ANKRD34B: variants seen among roughly 807,000 people sequenced by gnomAD.
ANKRD34B encodes the protein ankyrin repeat domain 34B.
Under a neutral mutation model 4.4 loss-of-function variants are expected in ANKRD34B, and 2 were observed. The ratio of observed to expected loss-of-function variants is 0.46; its 90% CI spans 0.19 to 1.44. The LOEUF is 1.44. Among genes scored for constraint, ANKRD34B ranks in the 40% most tolerant of loss-of-function variants. The pLI is 0.26. For synonymous variants in ANKRD34B, 226 were observed against 227.1 expected, an observed-to-expected ratio of 0.99 and a Z score of 0.05; for missense variants, 558 against 604.7, an observed-to-expected ratio of 0.92 and a Z score of 0.81.
In ANKRD34B at chr5:80,559,855, A is replaced by C. The variant is rs144658829; in HGVS notation, c.165T>G (p.His55Gln). The change falls in exon 5 of 5, where the codon CAT becomes CAG. Residue 55 changes from histidine (H) to glutamine (Q), a missense_variant. By Grantham distance (24) the His-to-Gln change is conservative. Coordinates refer to ENST00000338682, the MANE Select transcript of ANKRD34B (RefSeq NM_001004441.3). ...TPLMIACKTK[H>Q]VDHQSVSKAK... ...CTTTACTGACACTCTGGTGATCGAC[A>C]TGTTTGGTCTTACAAGCGATCATTA... 2.5e-6 allele frequency: 4 copies of C among 1,614,086 alleles called. No individual in the cohort carries two copies. In the African/African-American group the frequency reaches 5.3e-5, roughly 22 times the overall value.
Position 80,569,096 on chromosome 5 carries a change from G to T in ANKRD34B, c.-327C>A, listed in dbSNP as rs1041914535. 14 of 152,302 alleles carry T rather than the reference G, an allele frequency of 9.2e-5. No individual in the cohort carries two copies. Among genetic ancestry groups the T allele is most frequent in the African/African-American group, 3.4e-4 (14 of 41,452 alleles). 9.4% of individuals were successfully genotyped at this position (152,302 alleles called of 1,614,324 possible). A position where few individuals can be genotyped will look rare whatever the true frequency, so the allele number is the denominator to read the frequency against. On this transcript the variant is annotated 5_prime_UTR_variant, in exon 2 of 5. Coordinates refer to ENST00000338682, the MANE Select transcript of ANKRD34B (RefSeq NM_001004441.3). ...GTTTTTCCTGAGAGCAGGAGGAAGC[G>T]AGCTCAAGGCGCTGTCGGAGAAGGG... is the stretch of plus-strand genomic sequence containing the variant.
At position 80,558,848 on chromosome 5, in the gene ANKRD34B, A is replaced by G. The variant is rs147745221; in HGVS notation, c.1172T>C (p.Ile391Thr). The G allele has an allele frequency of 2.5e-4, 400 of 1,613,900 alleles. No homozygotes were observed. In the African/African-American group the frequency reaches 4.2e-3, roughly 17 times the overall value. ...TGGTGAGAGGATCTTTTTCTTTCCT[A>G]TAAGTGCTTTGCCGTCTTCTGAAGT... ...PPTSEDGKAL[I>T]GKKKILSPSP... The change falls in exon 5 of 5, where the codon ATA becomes ACA. Residue 391 changes from isoleucine (I) to threonine (T), a missense_variant. Transcript: ENST00000338682.
chr5:80,559,846 G>A lies in ANKRD34B; in HGVS notation c.174C>T (p.His58=). ...MIACKTKHVD[H]QSVSKAKMVK... ...CCATTTTGGCTTTACTGACACTCTG[G>A]TGATCGACATGTTTGGTCTTACAAG... Residue 58 remains histidine, a synonymous_variant, in exon 5 of 5, where the codon CAC becomes CAT. Transcript: ENST00000338682. 1 of 1,614,208 alleles carries A rather than the reference G, an allele frequency of 6.2e-7. No homozygotes were observed. The highest frequency in any genetic ancestry group is 8.5e-7 in the Non-Finnish European group (1 of 1,180,044).
In ANKRD34B at chr5:80,559,873, G is replaced by T. The variant is rs151244325; in HGVS notation, c.147C>A (p.Ile49=). ...SNDRGETPLM[I]ACKTKHVDHQ... ...GATCGACATGTTTGGTCTTACAAGC[G>T]ATCATTAAAGGGGTTTCCCCACGGT... Residue 49 remains isoleucine (I), a synonymous_variant, in exon 5 of 5, where the codon ATC becomes ATA. Transcript: ENST00000338682. 2.5e-6 allele frequency: 4 copies of T among 1,614,086 alleles called. No individual in the cohort carries two copies. The highest frequency in any genetic ancestry group is 2.2e-5 in the East Asian group (1 of 44,896).
At chr5:80,567,546 G>A (rs1424169214) in intron 2 of ANKRD34B, among the ~76,000 whole-genome samples, 12 of 146,670 alleles carry the variant, frequency 8.2e-5, no homozygotes, top group Non-Finnish European at 1.6e-4. Context: ...ACTTGAACTC[G>A]GGAGGCGGAG....
At chr5:80,567,080 G>A (rs974190983) in intron 2 of ANKRD34B, among the ~76,000 whole-genome samples, 1 of 152,192 alleles carries the variant, frequency 6.6e-6, no homozygotes, top group Non-Finnish European at 1.5e-5. Flanking sequence ...CTCTCCCAAA[G>A]CCAATCATCT....
chr5:80,559,153 C>A lies in ANKRD34B; in HGVS notation c.867G>T (p.Arg289=). ...YKTNGLALSK[R]FITRHQSIDV... ...CAATGCTTTGGTGCCTAGTGATGAA[C>A]CGCTTGGAAAGTGCCAGCCCATTGG... The change falls in exon 5 of 5, where the codon CGG becomes CGT. Residue 289 remains arginine, a synonymous_variant. Transcript: ENST00000338682. 1 of 1,614,192 alleles carries A rather than the reference C, an allele frequency of 6.2e-7. No individual in the cohort carries two copies. The highest frequency in any genetic ancestry group is 8.5e-7 in the Non-Finnish European group (1 of 1,180,042).
chr5:80,560,093 C>A, intron 4 of ANKRD34B, 51 bp from the exon 5 acceptor site: 3 of 1,052,288 alleles, frequency 2.9e-6, no homozygotes, highest in East Asian at 2.5e-5. Flanking sequence ...ATCAGCATCC[C>A]AACTTATATT....
chr5:80,561,199 A>G (rs886121942), intron 4 of ANKRD34B, among the ~76,000 whole-genome samples: 1 of 152,174 alleles, frequency 6.6e-6, no homozygotes, highest in Non-Finnish European at 1.5e-5. Flanking sequence ...TCAACAGATA[A>G]TTCCATTAGG....
rs117823929 is a variant in ANKRD34B at position 80,566,421 on chromosome 5, T to C, written c.-105+268A>G. On this transcript the variant is annotated intron_variant, in intron 3 of 4. Transcript: ENST00000338682. ...CTTTCCTAGGCAAGAAAATGAAGATTTATTTTCTAAATTGATCAGAAAGGC... is the reference window on the plus strand; with the variant it reads ...CTTTCCTAGGCAAGAAAATGAAGATCTATTTTCTAAATTGATCAGAAAGGC... Among the ~76,000 whole-genome samples the C allele has an allele frequency of 2.0e-5, 3 of 152,290 alleles. No individual in the cohort carries two copies. In the East Asian group the frequency reaches 5.8e-4, roughly 29 times the overall value.
rs964530457 is a variant in ANKRD34B at position 80,558,004 on chromosome 5, T to TA, written c.*470dup. ...TCTTTCTTTGTAGCTCGAGTTTTTT[T>TA]ATCTTAGAACATTTTACAGCTGTCG... On this transcript the variant is annotated 3_prime_UTR_variant, in exon 5 of 5. Transcript: ENST00000338682. 1 of 152,398 alleles carries TA rather than the reference T, an allele frequency of 6.6e-6. No homozygotes were observed. Among genetic ancestry groups the TA allele is most frequent in the East Asian group, 1.9e-4 (1 of 5,208 alleles). 9.4% of individuals were successfully genotyped at this position (152,398 alleles called of 1,614,324 possible). A position where few individuals can be genotyped will look rare whatever the true frequency, so the allele number is the denominator to read the frequency against.
intron 3 of ANKRD34B, among the ~76,000 whole-genome samples, chr5:80,564,827 TC>T (rs1173306220): frequency 6.7e-6 from 1 of 150,314 alleles, no homozygotes; most frequent in Non-Finnish European, 1.5e-5. Context: ...TGCCTCAGCC[TC>T]TGGAGTAGCT....
At chr5:80,566,280 T>C (rs1465263940) in intron 3 of ANKRD34B, among the ~76,000 whole-genome samples, 1 of 152,106 alleles carries the variant, frequency 6.6e-6, no homozygotes, top group Non-Finnish European at 1.5e-5. Context: ...AGGTCCCAAG[T>C]GCCATAGAAA....
Position 80,569,893 on chromosome 5 carries a change from C to A in ANKRD34B, c.-339+261G>T, listed in dbSNP as rs927984479. On this transcript the variant is annotated intron_variant, in intron 1 of 4. Coordinates refer to ENST00000338682, the MANE Select transcript of ANKRD34B (RefSeq NM_001004441.3). ...TCGCGTGGAGCGCGCCCCGGGGTGG[C>A]GGGGCAGAGTCTCTCGGGAGGCCCC... is the stretch of plus-strand genomic sequence containing the variant. 2.0e-5 allele frequency among the ~76,000 whole-genome samples: 3 copies of A among 152,180 alleles called. No individual in the cohort carries two copies. In the South Asian group the frequency reaches 6.2e-4, roughly 32 times the overall value.
At chr5:80,560,516 G>A (rs150433067) in intron 4 of ANKRD34B, among the ~76,000 whole-genome samples, 138 of 152,158 alleles carry the variant, frequency 9.1e-4, no homozygotes, top group African/African-American at 3.2e-3. Context: ...TTTAAAATTA[G>A]CTGGGCATGG....
intron 2 of ANKRD34B, among the ~76,000 whole-genome samples, chr5:80,568,364 C>A (rs1020432109): frequency 1.3e-5 from 2 of 152,224 alleles, no homozygotes; most frequent in African/African-American, 4.8e-5. Context: ...ATGCTCGGCT[C>A]CCCTGCAGGA....
chr5:80,558,656 T>G lies in ANKRD34B; in HGVS notation c.1364A>C (p.Asn455Thr). Residue 455 changes from asparagine to threonine, a missense_variant, in exon 5 of 5, where the codon AAT becomes ACT. Transcript: ENST00000338682. ...RQGFLPPLNV[N>T]SHPPISDINV... The stretch of plus-strand genomic sequence containing the variant: ...GATATCTGAGATGGGAGGGTGAGAA[T>G]TTACATTTAAGGGTGGGAGAAACCC... 6.2e-7 allele frequency: 1 copy of G among 1,614,098 alleles called. No homozygotes were observed. Among genetic ancestry groups the G allele is most frequent in the South Asian group, 1.1e-5 (1 of 91,082 alleles).
In ANKRD34B at chr5:80,560,023, C is replaced by T. The variant is rs1746374889; in HGVS notation, c.-4G>A. ...AAATTTCCATACCTTCATCCATCTT[C>T]GGAGGTTAGAACTCAATACCTGGTT... is the stretch of plus-strand genomic sequence containing the variant. On this transcript the variant is annotated 5_prime_UTR_variant, in exon 5 of 5. Coordinates refer to ENST00000338682, the MANE Select transcript of ANKRD34B (RefSeq NM_001004441.3). The T allele has an allele frequency of 2.6e-6, 4 of 1,566,564 alleles. No individual in the cohort carries two copies. Among genetic ancestry groups the T allele is most frequent in the South Asian group, 2.4e-5 (2 of 83,212 alleles).
Position 80,558,705 on chromosome 5 carries a change from G to C in ANKRD34B, c.1315C>G (p.His439Asp). 1 of 1,614,140 alleles carries C rather than the reference G, an allele frequency of 6.2e-7. No individual in the cohort carries two copies. Among genetic ancestry groups the C allele is most frequent in the South Asian group, 1.1e-5 (1 of 91,076 alleles). Reference sequence around the variant, plus strand: ...CCTTGTCTGGTTTGGGTAACACTGTGATCTAAAGGGAAAGCTCCTGAACCT... The same window carrying C: ...CCTTGTCTGGTTTGGGTAACACTGTCATCTAAAGGGAAAGCTCCTGAACCT... ...RRGSGAFPLD[H>D]SVTQTRQGFL... Residue 439 changes from histidine to aspartate, a missense_variant, in exon 5 of 5, where the codon CAC becomes GAC. His to Asp is a moderately conservative substitution (Grantham distance 81, BLOSUM62 -1). Transcript: ENST00000338682.
Sources: allele counts gnomAD v4.1 joint callset (sites outside exome capture counted in the v4.1 genomes callset), GRCh38; gene constraint gnomAD v4.1.1; transcripts MANE v1.5; gene names NCBI Gene and HGNC (gene_info 2026-07-23, HGNC 2026-07-21).